The following PLCL1 variants were observed in gnomAD, a reference collection of about 807,000 sequenced individuals.
PLCL1 encodes the protein inactive phospholipase C-like protein 1.
Under a neutral mutation model 84.4 loss-of-function variants are expected in PLCL1, and 41 were observed. The observed-to-expected ratio is 0.49, with a 90% CI of 0.38 to 0.63. The LOEUF is 0.63. Ranked by LOEUF, PLCL1 falls within the 30% of genes least tolerant of loss-of-function variation. The pLI, the probability that PLCL1 is intolerant of heterozygous loss-of-function variation, is 0.00. For synonymous variants in PLCL1, 490 were observed against 488.3 expected, an observed-to-expected ratio of 1.00 and a Z score of -0.05; for missense variants, 1,206 against 1,367.8, an observed-to-expected ratio of 0.88 and a Z score of 1.87.
At chr2:198,104,204 C>G (rs748524791) in intron 5 of PLCL1, among the ~76,000 whole-genome samples, 3 of 151,934 alleles carry the variant, frequency 2.0e-5, no homozygotes, top group Non-Finnish European at 2.9e-5. Context: ...CCTCCATCCT[C>G]ATGTAGTCCC....
chr2:197,832,661 C>A (rs992524660), intron 1 of PLCL1, among the ~76,000 whole-genome samples: 2 of 152,186 alleles, frequency 1.3e-5, no homozygotes, highest in African/African-American at 2.4e-5. Context: ...ATGAGGCCAG[C>A]AACATCCTGA....
chr2:197,996,068 G>C (rs574715049), intron 1 of PLCL1, among the ~76,000 whole-genome samples: 2 of 152,120 alleles, frequency 1.3e-5, no homozygotes, highest in Non-Finnish European at 2.9e-5. Context: ...GTTGTGTGAA[G>C]AGACGGGGCA....
At position 197,805,303 on chromosome 2, in the gene PLCL1, A is replaced by T; in HGVS notation, c.204A>T (p.Ala68=). The T allele has an allele frequency of 7.7e-7, 1 of 1,305,328 alleles. No homozygotes were observed. Among genetic ancestry groups the T allele is most frequent in the Non-Finnish European group, 9.7e-7 (1 of 1,030,920 alleles). 80.9% of individuals were successfully genotyped at this position (1,305,328 alleles called of 1,614,324 possible). A position where few individuals can be genotyped will look rare whatever the true frequency, so the allele number is the denominator to read the frequency against. Residue 68 remains alanine, a synonymous_variant, in exon 1 of 6, where the codon GCA becomes GCT. Coordinates refer to ENST00000428675, the MANE Select transcript of PLCL1 (RefSeq NM_006226.4). The surrounding 1 kb of genome is among the most constrained non-coding windows in gnomAD (Gnocchi z 4.0). ...PADSEAGLLE[A]ARATPRRSSI... ...ACAGCGAGGCGGGCCTCCTGGAGGC[A>T]GCACGGGCGACCCCCCGGCGCAGCA...
intron 1 of PLCL1, among the ~76,000 whole-genome samples, chr2:197,846,333 A>G (rs1687120253): frequency 6.6e-6 from 1 of 152,162 alleles, no homozygotes; most frequent in South Asian, 2.1e-4. Context: ...AGAGATCATT[A>G]TAATCGCAAA....
At chr2:198,073,063 A>C (rs776993721) in intron 1 of PLCL1, among the ~76,000 whole-genome samples, 15 of 152,194 alleles carry the variant, frequency 9.9e-5, no homozygotes, top group Non-Finnish European at 2.2e-4. Context: ...AAAGTCATGC[A>C]AGTAGGTGGT....
chr2:197,990,685 A>G lies in PLCL1; in HGVS notation c.241-93073A>G, dbSNP rs183456967. On this transcript the variant is annotated intron_variant, in intron 1 of 5. Transcript: ENST00000428675. The stretch of plus-strand genomic sequence containing the variant: ...TTCCACAGAGTCCCTCCCATGACAC[A>G]TAAGGATTATGGCAGCTACAATTCA... Among the ~76,000 whole-genome samples, 76 of 152,320 alleles carry G rather than the reference A, an allele frequency of 5.0e-4. 2 individuals are homozygous for G. In the East Asian group the frequency reaches 0.014, roughly 28 times the overall value.
intron 1 of PLCL1, among the ~76,000 whole-genome samples, chr2:198,060,238 G>A (rs1692159527): frequency 6.6e-6 from 1 of 152,190 alleles, no homozygotes; most frequent in South Asian, 2.1e-4. Context: ...CTTCACCGCT[G>A]AAAAGTGTAC....
intron 1 of PLCL1, among the ~76,000 whole-genome samples, chr2:197,927,591 A>G (rs1302985219): frequency 6.6e-6 from 1 of 152,232 alleles, no homozygotes; most frequent in Non-Finnish European, 1.5e-5. Flanking sequence ...CAAGTATTAC[A>G]TAAGCCAACT....
At chr2:197,932,518 C>T (rs1688957562) in intron 1 of PLCL1, among the ~76,000 whole-genome samples, 1 of 152,088 alleles carries the variant, frequency 6.6e-6, no homozygotes, top group Non-Finnish European at 1.5e-5. Context: ...TCTCCGTCCC[C>T]CTACCCCCCA....
At chr2:198,040,923 T>A (rs1419956446) in intron 1 of PLCL1, among the ~76,000 whole-genome samples, 1 of 152,150 alleles carries the variant, frequency 6.6e-6, no homozygotes, top group East Asian at 1.9e-4. Flanking sequence ...GTCTACTCAG[T>A]AAATAGGCCA....
chr2:198,000,701 T>C lies in PLCL1; in HGVS notation c.241-83057T>C, dbSNP rs183355072. ...AGTGACTTATTCGAGGTGATAACAC[T>C]GGTGAGCTGGAGAACAACCTGCTAT... On this transcript the variant is annotated intron_variant, in intron 1 of 5. Transcript: ENST00000428675. Among the ~76,000 whole-genome samples, 95 of 152,048 alleles carry C rather than the reference T, an allele frequency of 6.2e-4. 3 individuals carry two copies. The South Asian group carries it at 0.014, about 22-fold the overall frequency.
chr2:198,030,971 T>C (rs1358634440), intron 1 of PLCL1, among the ~76,000 whole-genome samples: 1 of 152,224 alleles, frequency 6.6e-6, no homozygotes, highest in African/African-American at 2.4e-5. Flanking sequence ...GGTTCAAAAT[T>C]GATAAGCTTA....
intron 1 of PLCL1, among the ~76,000 whole-genome samples, chr2:198,019,235 A>G (rs536213104): frequency 2.1e-4 from 32 of 152,366 alleles, no homozygotes; most frequent in African/African-American, 6.7e-4. Flanking sequence ...TAAGGTCACC[A>G]ACAGCAAAGA....
chr2:197,940,231 G>T (rs1689132191), intron 1 of PLCL1, among the ~76,000 whole-genome samples: 1 of 152,064 alleles, frequency 6.6e-6, no homozygotes, highest in African/African-American at 2.4e-5. Flanking sequence ...AATCAAATGT[G>T]GGTTTTGTGA....
Position 198,084,183 on chromosome 2 carries a change from T to TTC in PLCL1, c.669_670dup (p.Arg224LeufsTer22), listed in dbSNP as rs1692794378. The TTC allele has an allele frequency of 6.2e-7, 1 of 1,613,992 alleles. No individual in the cohort carries two copies. Among genetic ancestry groups the TTC allele is most frequent in the Non-Finnish European group, 8.5e-7 (1 of 1,180,010 alleles). ...GGGTGTCTGGGTTACGGTACCTGGT[T>TTC]TCTCGAAGTAAGCAGCCTCTTGATT... On this transcript the variant is annotated frameshift_variant, in exon 2 of 6. Transcript: ENST00000428675. LOFTEE classifies it high-confidence loss of function.
intron 1 of PLCL1, among the ~76,000 whole-genome samples, chr2:197,852,688 T>A (rs1248904730): frequency 1.7e-4 from 26 of 152,106 alleles, no homozygotes. Flanking sequence ...TGCTGGCGGG[T>A]TGTAGGTAGC....
intron 1 of PLCL1, among the ~76,000 whole-genome samples, chr2:197,929,323 T>A (rs1482942714): frequency 6.6e-6 from 1 of 152,208 alleles, no homozygotes; most frequent in Admixed American, 6.5e-5. Flanking sequence ...AGCAGTCTTA[T>A]AAACACCCTA....
rs1279938913 is a variant in PLCL1, at chr2:197,843,613, T to C, written c.240+38274T>C. Among the ~76,000 whole-genome samples, 10 of 152,282 alleles carry C rather than the reference T, an allele frequency of 6.6e-5. No individual in the cohort carries two copies. In the South Asian group the frequency reaches 8.3e-4, roughly 13 times the overall value. Reference sequence around the variant, plus strand: ...TGGCATGAACACAAATGGAGTATCCTGAACTCACTTTTGACTTAAAGGTCA... The same window carrying C: ...TGGCATGAACACAAATGGAGTATCCCGAACTCACTTTTGACTTAAAGGTCA... On this transcript the variant is annotated intron_variant, in intron 1 of 5. Transcript: ENST00000428675.
At chr2:197,927,982 C>T (rs1220040517) in intron 1 of PLCL1, among the ~76,000 whole-genome samples, 3 of 151,976 alleles carry the variant, frequency 2.0e-5, no homozygotes, top group Admixed American at 6.6e-5. Context: ...TGCACAAACT[C>T]TTAAGGTTAA....
Sources: gnomAD v4.1 joint callset for allele counts (sites outside exome capture counted in the v4.1 genomes callset) on GRCh38, gnomAD v4.1.1 for gene constraint, Gnocchi (gnomAD v3.1) non-coding constraint, MANE v1.5 for transcripts, NCBI Gene and HGNC (gene_info 2026-07-23, HGNC 2026-07-21) for gene names.